LIPA: variants seen among roughly 807,000 people sequenced by gnomAD.
The protein encoded by LIPA is lysosomal acid lipase/cholesteryl ester hydrolase.
Under a neutral mutation model 40.6 loss-of-function variants are expected in LIPA, and 26 were observed. The observed-to-expected ratio is 0.64, with a 90% CI of 0.47 to 0.89. The LOEUF (loss-of-function observed/expected upper bound fraction) is 0.89, where lower values mean the gene tolerates loss of function less well. Among genes scored for constraint, LIPA ranks in the 40% least tolerant of loss-of-function variants. LIPA has a pLI of 0.00. For synonymous variants in LIPA, 188 were observed against 168.4 expected, an observed-to-expected ratio of 1.12 and a Z score of -0.90; for missense variants, 455 against 479.6, an observed-to-expected ratio of 0.95 and a Z score of 0.48.
At chr10:89,236,755 A>G (rs1564760205) in intron 3 of LIPA, among the ~76,000 whole-genome samples, 3 of 152,236 alleles carry the variant, frequency 2.0e-5, no homozygotes, top group Non-Finnish European at 4.4e-5. Context: ...CTTTTATCTC[A>G]TATTGAAAAT....
At chr10:89,251,978 G>C (rs776133773), upstream of LIPA, 1 of 152,434 alleles carries the variant, frequency 6.6e-6, no homozygotes, top group African/African-American at 2.4e-5. Context: ...AGCATGCGCC[G>C]TAGGCGTTTC....
At chr10:89,319,554 A>G (rs1843559968) in intron 1 of LIPA, among the ~76,000 whole-genome samples, 1 of 152,212 alleles carries the variant, frequency 6.6e-6, no homozygotes, top group South Asian at 2.1e-4. Flanking sequence ...AGGGTCTGAA[A>G]TTGAGGCAAT....
At chr10:89,225,326 C>T (rs906656437) in intron 5 of LIPA, 98 bp from the exon 6 acceptor site, 2 of 1,448,190 alleles carry the variant, frequency 1.4e-6, no homozygotes, top group Non-Finnish European at 1.9e-6. Flanking sequence ...CTCGCGGAGG[C>T]CTGAGACCCA....
chr10:89,355,840 C>G lies in LIPA; in HGVS notation c.61+56951G>C, dbSNP rs1300756296. 3.9e-5 allele frequency among the ~76,000 whole-genome samples: 6 copies of G among 152,292 alleles called. No individual in the cohort carries two copies. In the South Asian group the frequency reaches 1.2e-3, roughly 32 times the overall value. ...AAAGACACTCCCATCAGCGCCATGG[C>G]ATTTTGCCATGGCAACATTCAGAAG... On this transcript the variant is annotated intron_variant, in intron 2 of 8. Transcript: ENST00000371837.
intron 1 of LIPA, among the ~76,000 whole-genome samples, chr10:89,268,652 G>A (rs1843249477): frequency 6.6e-6 from 1 of 151,924 alleles, no homozygotes. Flanking sequence ...ATTTTTAATG[G>A]TTGCATGTAT....
chr10:89,329,615 G>A (rs544816314), intron 1 of LIPA, among the ~76,000 whole-genome samples: 8 of 152,030 alleles, frequency 5.3e-5, no homozygotes, highest in Admixed American at 1.3e-4. Flanking sequence ...TCACTGGCAC[G>A]TGCCAGCTGA....
intron 1 of LIPA, chr10:89,307,090 C>G: frequency 6.2e-7 from 1 of 1,614,022 alleles, no homozygotes; most frequent in Non-Finnish European, 8.5e-7. Context: ...TGCGGTATGG[C>G]AACTTTCAGC....
At chr10:89,278,021 T>A (rs1047804208) in intron 1 of LIPA, 1 of 152,158 alleles carries the variant, frequency 6.6e-6, no homozygotes, top group Non-Finnish European at 1.5e-5. Flanking sequence ...GAACCCCTCA[T>A]ACAATCCTGC....
chr10:89,324,225 A>G (rs1843587476), intron 1 of LIPA, among the ~76,000 whole-genome samples: 1 of 152,222 alleles, frequency 6.6e-6, no homozygotes, highest in African/African-American at 2.4e-5. Flanking sequence ...TTAAGGGCAC[A>G]CACCTACAGC....
intron 2 of LIPA, chr10:89,403,285 C>T: frequency 3.1e-6 from 5 of 1,614,050 alleles, no homozygotes; most frequent in Non-Finnish European, 4.2e-6. Flanking sequence ...GAAAAAAAGC[C>T]CACATTTGAG....
intron 2 of LIPA, among the ~76,000 whole-genome samples, chr10:89,348,641 G>T (rs1219192798): frequency 6.6e-6 from 1 of 152,132 alleles, no homozygotes; most frequent in Non-Finnish European, 1.5e-5. Context: ...CCTATTTTTG[G>T]TTTCTATAGA....
At chr10:89,339,425 T>C in intron 1 of LIPA, 1 of 1,614,188 alleles carries the variant, frequency 6.2e-7, no homozygotes, top group Non-Finnish European at 8.5e-7. Context: ...AAAGGTGACC[T>C]AGACAAAGCT....
At chr10:89,349,881 T>C (rs906386916) in intron 2 of LIPA, among the ~76,000 whole-genome samples, 9 of 152,216 alleles carry the variant, frequency 5.9e-5, no homozygotes, top group Admixed American at 5.9e-4. Flanking sequence ...ATGAGTTGTC[T>C]GCCCTACTTC....
At chr10:89,223,004 A>G (rs1455187925) in intron 7 of LIPA, among the ~76,000 whole-genome samples, 3 of 152,170 alleles carry the variant, frequency 2.0e-5, no homozygotes, top group African/African-American at 4.8e-5. Flanking sequence ...TAACAAACAT[A>G]TTTAGAAACA....
At chr10:89,253,085 G>C (rs1192302320), upstream of LIPA, among the ~76,000 whole-genome samples, 1 of 152,160 alleles carries the variant, frequency 6.6e-6, no homozygotes, top group African/African-American at 2.4e-5. Flanking sequence ...TGCCTTGGGA[G>C]CCACTTGTCA....
Position 89,245,762 on chromosome 10 carries a change from C to T in LIPA, c.143G>A (p.Ser48Asn). ...SEIISYWGFP[S>N]EEYLVETEDG... ...TTCTGTCTCAACTAGGTATTCCTCACTAGGGAATCCCCAGTAAGAGATAAT... is the reference window on the plus strand; with the variant it reads ...TTCTGTCTCAACTAGGTATTCCTCATTAGGGAATCCCCAGTAAGAGATAAT... Residue 48 changes from serine to asparagine, a missense_variant, in exon 3 of 10, where the codon AGT becomes AAT. By Grantham distance (46) the Ser-to-Asn change is conservative. Coordinates refer to ENST00000336233, the MANE Select transcript of LIPA (RefSeq NM_000235.4). The T allele has an allele frequency of 6.3e-7, 1 of 1,592,344 alleles. No homozygotes were observed. The highest frequency in any genetic ancestry group is 8.6e-7 in the Non-Finnish European group (1 of 1,160,212).
At chr10:89,267,408 C>T (rs1843241957) in intron 1 of LIPA, among the ~76,000 whole-genome samples, 1 of 152,144 alleles carries the variant, frequency 6.6e-6, no homozygotes, top group South Asian at 2.1e-4. Context: ...ACACAGCCTG[C>T]TCCAGGCAGT....
chr10:89,215,046 A>G lies in LIPA; in HGVS notation c.982T>C (p.Tyr328His), dbSNP rs1406159078. 4.3e-6 allele frequency: 7 copies of G among 1,612,530 alleles called. No individual in the cohort carries two copies. Among genetic ancestry groups the G allele is most frequent in the Non-Finnish European group, 5.9e-6 (7 of 1,178,514 alleles). ...GGCACAAGCATGTCCTTCACATTGT[A>G]TGTGGGAGGATAACTCTACAATGAA... Reference protein sequence around the residue: ...FHYNQSYPPTYNVKDMLVPTA... With the variant: ...FHYNQSYPPTHNVKDMLVPTA... Residue 328 changes from tyrosine (Y) to histidine (H), a missense_variant, in exon 10 of 10, where the codon TAC becomes CAC. Tyr to His is a moderately conservative substitution (Grantham distance 83, BLOSUM62 2). Coordinates refer to ENST00000336233, the MANE Select transcript of LIPA (RefSeq NM_000235.4).
chr10:89,362,591 C>A, intron 2 of LIPA: 1 of 330,500 alleles, frequency 3.0e-6, no homozygotes, highest in Non-Finnish European at 5.8e-6. Flanking sequence ...GGCAACTTTG[C>A]CTGGGCTGGG....
Sources: allele counts gnomAD v4.1 joint callset (sites outside exome capture counted in the v4.1 genomes callset), GRCh38; gene constraint gnomAD v4.1.1; transcripts MANE v1.5; gene names NCBI Gene and HGNC (gene_info 2026-07-23, HGNC 2026-07-21).